The following SUPT16H variants were observed in gnomAD, a reference collection of about 807,000 sequenced individuals.
SUPT16H encodes SPT16 homolog, facilitates chromatin remodeling subunit.
Under a neutral mutation model 136.2 loss-of-function variants are expected in SUPT16H, and 24 were observed. The observed-to-expected ratio is 0.18, with a 90% CI of 0.13 to 0.25. The LOEUF (loss-of-function observed/expected upper bound fraction) is 0.25, where lower values mean the gene tolerates loss of function less well. SUPT16H is among the 10% of genes least tolerant of loss of function. SUPT16H has a pLI of 1.00. For synonymous variants in SUPT16H, 415 were observed against 428.2 expected, an observed-to-expected ratio of 0.97 and a Z score of 0.38; for missense variants, 623 against 1,270.2, an observed-to-expected ratio of 0.49 and a Z score of 7.74.
intron 19 of SUPT16H, 140 bp from the exon 20 acceptor site, chr14:21,358,567 T>C: frequency 3.2e-6 from 2 of 625,308 alleles, no homozygotes; most frequent in South Asian, 2.0e-5. Context: ...ATTTGCAGGT[T>C]TGTTACACAG....
At chr14:21,355,513 TAAAAAA>T (rs59639210) in intron 22 of SUPT16H, among the ~76,000 whole-genome samples, 1 of 113,608 alleles carries the variant, frequency 8.8e-6, no homozygotes, top group African/African-American at 3.3e-5. Flanking sequence ...ATAATAATAA[TAAAAAA>T]AAAAAAAAAA....
intron 22 of SUPT16H, among the ~76,000 whole-genome samples, chr14:21,355,671 C>T (rs1886418114): frequency 6.6e-6 from 1 of 152,044 alleles, no homozygotes; most frequent in East Asian, 1.9e-4. Context: ...ACCTAAAGTG[C>T]CCTGTATTTA....
At chr14:21,373,126 T>C (rs1886823469) in intron 2 of SUPT16H, among the ~76,000 whole-genome samples, 1 of 152,136 alleles carries the variant, frequency 6.6e-6, no homozygotes, top group Non-Finnish European at 1.5e-5. Flanking sequence ...TTGTATTTCT[T>C]GTAAAGACAG....
chr14:21,357,153 A>AGGGCTCAT (rs1566381776), intron 22 of SUPT16H, 44 bp downstream of exon 22: 3 of 1,482,402 alleles, frequency 2.0e-6, no homozygotes, highest in Non-Finnish European at 2.7e-6. Flanking sequence ...TCTATAAAAC[A>AGGGCTCAT]GGGCTCATGG....
Position 21,357,909 on chromosome 14 carries a change from A to G in SUPT16H, c.2490+18T>C, listed in dbSNP as rs745997463. 6.2e-7 allele frequency: 1 copy of G among 1,606,272 alleles called. No individual in the cohort carries two copies. The highest frequency in any genetic ancestry group is 8.5e-7 in the Non-Finnish European group (1 of 1,174,124). On this transcript the variant is annotated intron_variant, in intron 21 of 25. Transcript: ENST00000216297. ...TCTCTAACAATTTTCTTACTAAAAGAAAGTAAGAAACACTCACCCATTCCG... is the reference window on the plus strand; with the variant it reads ...TCTCTAACAATTTTCTTACTAAAAGGAAGTAAGAAACACTCACCCATTCCG...
At chr14:21,356,633 G>C (rs928857820) in intron 22 of SUPT16H, among the ~76,000 whole-genome samples, 1 of 152,174 alleles carries the variant, frequency 6.6e-6, no homozygotes, top group Admixed American at 6.5e-5. Flanking sequence ...CCAGCTACTT[G>C]GGATGCTGAT....
intron 1 of SUPT16H, among the ~76,000 whole-genome samples, chr14:21,381,391 G>A (rs1480503874): frequency 6.6e-6 from 1 of 152,092 alleles, no homozygotes; most frequent in East Asian, 1.9e-4. Flanking sequence ...AAAAAGGGAA[G>A]AAAAAGCTTA....
intron 1 of SUPT16H, among the ~76,000 whole-genome samples, chr14:21,382,189 T>C (rs992065668): frequency 1.3e-5 from 2 of 152,212 alleles, no homozygotes; most frequent in African/African-American, 4.8e-5. Context: ...AAGTAAGTTT[T>C]TCATAATAGC....
At chr14:21,372,658 G>T (rs1460085882) in intron 2 of SUPT16H, 2 of 453,778 alleles carry the variant, frequency 4.4e-6, no homozygotes, top group East Asian at 1.4e-4. Context: ...CCACGTGCAA[G>T]AGGGCTATGT....
intron 17 of SUPT16H, 86 bp downstream of exon 17, chr14:21,360,760 C>G: frequency 6.5e-7 from 1 of 1,540,144 alleles, no homozygotes; most frequent in Non-Finnish European, 8.7e-7. Flanking sequence ...GCGGATGGCT[C>G]TTTGTCATAT....
chr14:21,359,706 A>T, intron 18 of SUPT16H, 97 bp from the exon 19 acceptor site: 1 of 1,428,850 alleles, frequency 7.0e-7, no homozygotes, highest in Non-Finnish European at 9.4e-7. Context: ...CACAGCATGC[A>T]TGCAAAAATA....
rs1269763733 is a variant in SUPT16H, at chr14:21,362,845, T to C, written c.1614A>G (p.Val538=). 1.9e-6 allele frequency: 3 copies of C among 1,613,540 alleles called. No homozygotes were observed. The highest frequency in any genetic ancestry group is 2.2e-5 in the East Asian group (1 of 44,888). ...KIYIDKKYET[V]IMPVFGIATP... is the part of the protein sequence containing the mutation. ...TTGCAATGCCAAACACGGGCATTAT[T>C]ACAGTCTCATATTTCTTATCGATGT... is the stretch of plus-strand genomic sequence containing the variant. Residue 538 remains valine (V), a synonymous_variant, in exon 14 of 26, where the codon GTA becomes GTG. Coordinates refer to ENST00000216297, the MANE Select transcript of SUPT16H (RefSeq NM_007192.4).
chr14:21,358,038 C>A (rs189366558), intron 20 of SUPT16H, 36 bp from the exon 21 acceptor site: 3 of 1,571,472 alleles, frequency 1.9e-6, no homozygotes, highest in Middle Eastern at 1.8e-4. Flanking sequence ...GAGCTCATCA[C>A]GAGAGAGACT....
intron 3 of SUPT16H, among the ~76,000 whole-genome samples, chr14:21,371,344 C>G (rs909545597): frequency 4.6e-5 from 7 of 152,028 alleles, no homozygotes; most frequent in African/African-American, 1.7e-4. Flanking sequence ...TCTCAAACAC[C>G]TGGGCTCAAG....
intron 2 of SUPT16H, 127 bp from the exon 3 acceptor site, chr14:21,372,171 G>C: frequency 2.7e-6 from 3 of 1,110,720 alleles, no homozygotes; most frequent in Non-Finnish European, 3.7e-6. Flanking sequence ...TAATCAGGCT[G>C]GGGAGTCTGG....
chr14:21,383,455 G>C, intron 1 of SUPT16H: 1 of 538,172 alleles, frequency 1.9e-6, no homozygotes, highest in Non-Finnish European at 3.3e-6. Flanking sequence ...TTACGAAGAC[G>C]GTTATAATCC....
chr14:21,359,746 A>G, intron 18 of SUPT16H, 137 bp from the exon 19 acceptor site: 2 of 977,932 alleles, frequency 2.0e-6, no homozygotes, highest in South Asian at 1.8e-5. Context: ...CATCATAAAT[A>G]ATGATGCTTG....
rs767586185 is a variant in SUPT16H at position 21,359,621 on chromosome 14, A to C, written c.2176-12T>G. On this transcript the variant is annotated splice_polypyrimidine_tract_variant and intron_variant, in intron 18 of 25. Transcript: ENST00000216297. Reference sequence around the variant, plus strand: ...AACATGATGGCATTCTGTCGGCATAAAACAGAAAGAACACAGAAGTCAGAA... The same window carrying C: ...AACATGATGGCATTCTGTCGGCATACAACAGAAAGAACACAGAAGTCAGAA... 1.2e-6 allele frequency: 2 copies of C among 1,612,244 alleles called. No individual in the cohort carries two copies. The highest frequency in any genetic ancestry group is 2.2e-5 in the South Asian group (2 of 90,748).
chr14:21,370,128 A>G (rs932901607), intron 4 of SUPT16H, among the ~76,000 whole-genome samples: 13 of 152,228 alleles, frequency 8.5e-5, no homozygotes, highest in African/African-American at 3.1e-4. Flanking sequence ...CTTAAAATGT[A>G]AACTGCCCTC....
Sources: allele counts gnomAD v4.1 joint callset (sites outside exome capture counted in the v4.1 genomes callset), GRCh38; gene constraint gnomAD v4.1.1; transcripts MANE v1.5; gene names NCBI Gene and HGNC (gene_info 2026-07-23, HGNC 2026-07-21).